CCDC125: variants seen among roughly 807,000 people sequenced by gnomAD.
The protein encoded by CCDC125 is coiled-coil domain-containing protein 125.
Under a neutral mutation model 57.4 loss-of-function variants are expected in CCDC125, and 43 were observed. That is an observed-to-expected ratio of 0.75 (90% CI 0.59 to 0.97). The LOEUF (loss-of-function observed/expected upper bound fraction) is 0.97, where lower values mean the gene tolerates loss of function less well. Among genes scored for constraint, CCDC125 ranks in the 50% least tolerant of loss-of-function variants. CCDC125 has a pLI of 0.00. For missense variants in CCDC125, 563 were observed against 595.7 expected (o/e 0.95, Z 0.57); for synonymous variants, 187 against 195.2 (o/e 0.96, Z 0.35).
chr5:69,322,753 G>T (rs1390438609), intron 1 of CCDC125, among the ~76,000 whole-genome samples: 1 of 151,454 alleles, frequency 6.6e-6, no homozygotes, highest in Non-Finnish European at 1.5e-5. Flanking sequence ...AGCAGAGACG[G>T]GGTTTCACCA....
intron 2 of CCDC125, among the ~76,000 whole-genome samples, chr5:69,318,036 C>G (rs550843614): frequency 7.8e-5 from 11 of 140,554 alleles, no homozygotes; most frequent in African/African-American, 3.0e-4. Context: ...GGCTGGAGCG[C>G]AGTGGTGCGA....
chr5:69,294,074 G>T, intron 9 of CCDC125: 1 of 859,802 alleles, frequency 1.2e-6, no homozygotes, highest in Non-Finnish European at 1.4e-6. Flanking sequence ...CCTAGGTCTG[G>T]CTGGGACAAA....
chr5:69,313,506 G>T, intron 3 of CCDC125: 1 of 906,636 alleles, frequency 1.1e-6, no homozygotes, highest in Non-Finnish European at 1.9e-6. Flanking sequence ...TGTTGATGGC[G>T]TCCTTGGAGC....
chr5:69,307,842 C>A, intron 5 of CCDC125, 109 bp downstream of exon 5: 2 of 788,834 alleles, frequency 2.5e-6, no homozygotes, highest in Non-Finnish European at 4.4e-6. Context: ...TGAAGCACAC[C>A]TAGCAGAAGG....
chr5:69,304,222 A>C (rs1756967471), intron 6 of CCDC125, among the ~76,000 whole-genome samples: 1 of 151,358 alleles, frequency 6.6e-6, no homozygotes, highest in African/African-American at 2.4e-5. Flanking sequence ...CTCCTGCCTC[A>C]GCCTTCCAAG....
At position 69,320,226 on chromosome 5, in the gene CCDC125, AGCATTC is replaced by A. The variant is rs1262695925; in HGVS notation, c.304+5_304+10del. 1.2e-6 allele frequency: 2 copies of A among 1,603,176 alleles called. No individual in the cohort carries two copies. The highest frequency in any genetic ancestry group is 2.2e-5 in the South Asian group (2 of 90,120). ...AGGAGAAAGAAAGGAGAGGAAATTC[AGCATTC>A]TTACCAGTGCTACTTTGTCGTCTGT... is the stretch of plus-strand genomic sequence containing the variant. On this transcript the variant is annotated splice_donor_5th_base_variant and intron_variant, in intron 2 of 11. Coordinates refer to ENST00000396496, the MANE Select transcript of CCDC125 (RefSeq NM_176816.5).
intron 10 of CCDC125, among the ~76,000 whole-genome samples, chr5:69,291,684 C>A (rs1177270745): frequency 6.6e-6 from 1 of 152,076 alleles, no homozygotes; most frequent in African/African-American, 2.4e-5. Flanking sequence ...GGTTCGTGAA[C>A]CAAAACCTAA....
At chr5:69,322,314 A>C (rs114729244) in intron 1 of CCDC125, among the ~76,000 whole-genome samples, 1,578 of 152,222 alleles carry the variant, frequency 0.01, 24 homozygotes, top group African/African-American at 0.037. Context: ...CATTCAATAA[A>C]TACTTGTTTA....
chr5:69,276,723 A>C, downstream of CCDC125: 1 of 1,590,542 alleles, frequency 6.3e-7, no homozygotes, highest in Non-Finnish European at 8.6e-7. Flanking sequence ...AAATTAAATG[A>C]ATTTAGAAAA....
intron 6 of CCDC125, among the ~76,000 whole-genome samples, chr5:69,304,571 G>A (rs927794887): frequency 7.9e-5 from 12 of 151,534 alleles, no homozygotes; most frequent in Non-Finnish European, 1.8e-4. Context: ...GATTACAGGC[G>A]CCCGCCACCA....
intron 8 of CCDC125, among the ~76,000 whole-genome samples, chr5:69,296,037 G>T (rs1018190882): frequency 3.3e-5 from 5 of 151,644 alleles, no homozygotes; most frequent in African/African-American, 1.2e-4. Flanking sequence ...GCGCCACCAC[G>T]CCCGGCTAAT....
At chr5:69,273,319 ATACTT>A in the CCDC125 span, among the ~76,000 whole-genome samples, 24,691 of 151,908 alleles carry the variant, frequency 0.16, 3,286 homozygotes, top group African/African-American at 0.37. Flanking sequence ...TGGCTTGTAA[ATACTT>A]TACTTAGAAA....
rs758816932 is a variant in CCDC125, at chr5:69,320,579, G to C, written c.-39C>G. The C allele has an allele frequency of 1.4e-6, 2 of 1,437,692 alleles. No homozygotes were observed. The highest frequency in any genetic ancestry group is 1.2e-5 in the South Asian group (1 of 80,382). The allele number at this position is 1,437,692 out of a possible 1,614,324, so 89.1% of individuals were successfully genotyped here. A position where few individuals can be genotyped will look rare whatever the true frequency, so the allele number is the denominator to read the frequency against. On this transcript the variant is annotated splice_region_variant and 5_prime_UTR_variant, in exon 2 of 12. Transcript: ENST00000396496. ...TCTTTATCATAAGAAAAAATGGGCT[G>C]TCTGTAGTTAAGAAAAACAGTAGTT...
At chr5:69,279,866 A>AG (rs1395581912), downstream of CCDC125, among the ~76,000 whole-genome samples, 4 of 152,188 alleles carry the variant, frequency 2.6e-5, no homozygotes, top group African/African-American at 9.7e-5. Flanking sequence ...TAATTTATAA[A>AG]GGAAAGAGGT....
intron 7 of CCDC125, among the ~76,000 whole-genome samples, chr5:69,302,792 T>TA (rs1561442707): frequency 2.6e-5 from 4 of 152,080 alleles, no homozygotes; most frequent in Non-Finnish European, 4.4e-5. Flanking sequence ...AGGTAGACCA[T>TA]TATATAAGAG....
chr5:69,276,435 G>A, downstream of CCDC125: 1 of 891,852 alleles, frequency 1.1e-6, no homozygotes. Context: ...GGGAATGAGG[G>A]CATTCACATA....
At chr5:69,296,729 C>T (rs991286321) in intron 8 of CCDC125, among the ~76,000 whole-genome samples, 12 of 151,954 alleles carry the variant, frequency 7.9e-5, no homozygotes, top group African/African-American at 2.4e-4. Context: ...TTTGGGAGGC[C>T]GAGGCAGGTG....
chr5:69,288,808 A>G (rs1215235770), intron 10 of CCDC125, among the ~76,000 whole-genome samples: 3 of 152,192 alleles, frequency 2.0e-5, no homozygotes, highest in African/African-American at 7.2e-5. Context: ...CTCTAACTCC[A>G]GGTAGACAGT....
downstream of CCDC125, among the ~76,000 whole-genome samples, chr5:69,279,461 G>T (rs1448483482): frequency 6.6e-6 from 1 of 152,186 alleles, no homozygotes; most frequent in Non-Finnish European, 1.5e-5. Flanking sequence ...CTCCCAAAGT[G>T]CTGGGATTAC....
Sources: allele counts gnomAD v4.1 joint callset (sites outside exome capture counted in the v4.1 genomes callset), GRCh38; gene constraint gnomAD v4.1.1; transcripts MANE v1.5; gene names NCBI Gene and HGNC (gene_info 2026-07-23, HGNC 2026-07-21).